MARK4: variants seen among roughly 807,000 people sequenced by gnomAD.
The protein encoded by MARK4 is microtubule affinity regulating kinase 4.
A neutral mutation model predicts 81.5 loss-of-function variants in MARK4; 19 were observed. The ratio of observed to expected loss-of-function variants is 0.23; its 90% CI spans 0.16 to 0.34. The LOEUF (loss-of-function observed/expected upper bound fraction) is 0.34. MARK4 is among the 10% of genes least tolerant of loss of function. The probability of loss-of-function intolerance (pLI) is 1.00; values close to 1 mark genes in which losing one functional copy is unlikely to be tolerated. For synonymous variants in MARK4, 436 were observed against 439.0 expected (o/e 0.99, Z 0.08); for missense variants, 772 against 1,058.8 (o/e 0.73, Z 3.76).
intron 12 of MARK4, among the ~76,000 whole-genome samples, chr19:45,283,343 AG>A (rs1411133052): frequency 7.2e-6 from 1 of 138,278 alleles, no homozygotes; most frequent in East Asian, 2.5e-4. Flanking sequence ...TGGGAGGCGG[AG>A]GTTGCAGTAA....
In MARK4 at chr19:45,259,081, C is replaced by T. The variant is rs751073232; in HGVS notation, c.144C>T (p.Ser48=). Reference sequence around the variant, plus strand: ...CCCGTTGCCGGAACTCCATCGCCTCCTGTCCCGAGGAGCAGCCCCACGTGG... The same window carrying T: ...CCCGTTGCCGGAACTCCATCGCCTCTTGTCCCGAGGAGCAGCCCCACGTGG... ...LGARCRNSIA[S]CPEEQPHVGN... The change falls in exon 2 of 17, where the codon TCC becomes TCT. Residue 48 remains serine (S), a synonymous_variant. Transcript: ENST00000262891. The T allele has an allele frequency of 2.5e-6, 4 of 1,614,140 alleles. No individual in the cohort carries two copies. Among genetic ancestry groups the T allele is most frequent in the East Asian group, 4.5e-5 (2 of 44,880 alleles).
At chr19:45,276,800 A>AT (rs879307312) in intron 8 of MARK4, among the ~76,000 whole-genome samples, 1,719 of 130,200 alleles carry the variant, frequency 0.013, 27 homozygotes, top group African/African-American at 0.041. Context: ...TAATTTTTGT[A>AT]TTTTTTTTTT....
At chr19:45,263,279 A>G (rs771846965) in intron 3 of MARK4, 40 bp from the exon 4 acceptor site, 7 of 1,613,976 alleles carry the variant, frequency 4.3e-6, no homozygotes, top group Non-Finnish European at 4.2e-6. Context: ...CAAGCCACCC[A>G]CCCTCACTCT....
At chr19:45,276,699 C>T (rs1380732485) in intron 8 of MARK4, among the ~76,000 whole-genome samples, 1 of 149,648 alleles carries the variant, frequency 6.7e-6, no homozygotes, top group African/African-American at 2.5e-5. Context: ...AGTCTCGGCT[C>T]ACTGCAACCT....
At chr19:45,289,074 T>C (rs1219923803) in intron 13 of MARK4, among the ~76,000 whole-genome samples, 1 of 151,834 alleles carries the variant, frequency 6.6e-6, no homozygotes, top group Admixed American at 6.6e-5. Context: ...TCTGAGCCAA[T>C]TGTGGGCCTA....
chr19:45,266,590 T>A (rs1167302155), intron 7 of MARK4, among the ~76,000 whole-genome samples: 2 of 151,982 alleles, frequency 1.3e-5, no homozygotes, highest in Non-Finnish European at 2.9e-5. Context: ...TGGGACATGA[T>A]AAGGGGTTTG....
chr19:45,291,023 G>A (rs779225121), intron 13 of MARK4, among the ~76,000 whole-genome samples: 1 of 152,162 alleles, frequency 6.6e-6, no homozygotes, highest in Non-Finnish European at 1.5e-5. Flanking sequence ...GAGGGAGGCC[G>A]GGATGCCTGT....
intron 8 of MARK4, among the ~76,000 whole-genome samples, chr19:45,274,583 A>G (rs565406871): frequency 6.6e-6 from 1 of 152,082 alleles, no homozygotes; most frequent in Non-Finnish European, 1.5e-5. Context: ...GTGAGCCGAG[A>G]TCACACCACT....
At chr19:45,293,363 A>G (rs556912166) in intron 13 of MARK4, among the ~76,000 whole-genome samples, 7 of 152,326 alleles carry the variant, frequency 4.6e-5, no homozygotes, top group African/African-American at 1.7e-4. Flanking sequence ...CCACAATGAA[A>G]AGGGGAACTT....
chr19:45,294,211 C>T, intron 13 of MARK4, 138 bp from the exon 14 acceptor site: 1 of 741,138 alleles, frequency 1.3e-6, no homozygotes, highest in South Asian at 1.7e-5. Context: ...TGGGACCTTT[C>T]ACCATCTCCT....
intron 5 of MARK4, 44 bp downstream of exon 5, chr19:45,264,793 C>A (rs1252054272): frequency 2.5e-6 from 4 of 1,614,006 alleles, no homozygotes; most frequent in Non-Finnish European, 3.4e-6. Context: ...GCCACCTCCC[C>A]CTGCCGCTGC....
intron 2 of MARK4, among the ~76,000 whole-genome samples, chr19:45,261,165 A>T (rs926614886): frequency 6.6e-6 from 1 of 152,176 alleles, no homozygotes. Flanking sequence ...TTCACATTTT[A>T]TGCCAGTTCT....
intron 13 of MARK4, among the ~76,000 whole-genome samples, chr19:45,290,227 A>C (rs1220984098): frequency 6.6e-6 from 1 of 152,254 alleles, no homozygotes; most frequent in African/African-American, 2.4e-5. Context: ...TTTTGGTTCT[A>C]AACACCCAAG....
intron 10 of MARK4, 107 bp downstream of exon 10, chr19:45,278,722 G>C: frequency 1.2e-6 from 1 of 852,000 alleles, no homozygotes. Flanking sequence ...TTGTGCCTCA[G>C]CCTCCCAAGT....
chr19:45,270,625 G>A (rs1258866870), intron 7 of MARK4, among the ~76,000 whole-genome samples: 2 of 152,012 alleles, frequency 1.3e-5, no homozygotes, highest in Non-Finnish European at 2.9e-5. Context: ...TTTGAGACAA[G>A]TTCTCACTCT....
chr19:45,264,622 T>C, intron 4 of MARK4, 62 bp from the exon 5 acceptor site: 1 of 1,509,546 alleles, frequency 6.6e-7, no homozygotes, highest in Non-Finnish European at 9.2e-7. Context: ...GCATAGTTAC[T>C]GAGGACAGGT....
rs573967360 is a variant in MARK4 at position 45,257,936 on chromosome 19, G to A, written c.52-1053G>A. Among the ~76,000 whole-genome samples, 17 of 149,216 alleles carry A rather than the reference G, an allele frequency of 1.1e-4. No homozygotes were observed. The South Asian group carries it at 3.2e-3, about 28-fold the overall frequency. On this transcript the variant is annotated intron_variant, in intron 1 of 16. Transcript: ENST00000262891. ...AATCTCCTGACCTCGTGATCTGCCC[G>A]CCTCGGCCTCCCAAAGTGCTGGAAT...
At position 45,263,474 on chromosome 19, in the gene MARK4, G is replaced by C. The variant is rs1970406544; in HGVS notation, c.355+107G>C. The stretch of plus-strand genomic sequence containing the variant: ...AGTTGGAGACCCACCAGGCGCAGTG[G>C]CTCACTCCTGTAATCCCAGCACTTA... On this transcript the variant is annotated intron_variant, in intron 4 of 16. Transcript: ENST00000262891. 5.1e-6 allele frequency: 7 copies of C among 1,374,476 alleles called. No individual in the cohort carries two copies. The South Asian group carries it at 8.4e-5, about 17-fold the overall frequency. 85.1% of individuals were successfully genotyped at this position (1,374,476 alleles called of 1,614,324 possible).
intron 15 of MARK4, among the ~76,000 whole-genome samples, chr19:45,298,938 G>A (rs537928824): frequency 4.6e-5 from 7 of 151,878 alleles, no homozygotes; most frequent in Admixed American, 2.6e-4. Context: ...TTGGCCGGGC[G>A]TGGTGACTGC....
Sources: allele counts gnomAD v4.1 joint callset (sites outside exome capture counted in the v4.1 genomes callset), GRCh38; gene constraint gnomAD v4.1.1; transcripts MANE v1.5; gene names NCBI Gene and HGNC (gene_info 2026-07-23, HGNC 2026-07-21).